CASD1: variants seen among roughly 807,000 people sequenced by gnomAD.
CASD1 encodes CAS1 domain sialic acid O acetyltransferase 1.
In CASD1, 41 loss-of-function variants were observed where a neutral mutation model predicts 100.0. That is an observed-to-expected ratio of 0.41 (90% CI 0.32 to 0.53). CASD1 has a LOEUF of 0.53. CASD1 is among the 20% of genes least tolerant of loss of function. The pLI, the probability that CASD1 is intolerant of heterozygous loss-of-function variation, is 0.25. For synonymous variants in CASD1, 321 were observed against 315.6 expected (o/e 1.02, Z -0.18); for missense variants, 774 against 948.7 (o/e 0.82, Z 2.42).
the CASD1 span, among the ~76,000 whole-genome samples, chr7:94,568,454 A>C: frequency 3.3e-5 from 5 of 152,352 alleles, no homozygotes; most frequent in South Asian, 1.0e-3. Context: ...TCCAGAAGTC[A>C]TAAAAGATTG....
chr7:94,555,885 T>C lies in CASD1; in HGVS notation c.*127T>C. ...AACGTTTGTGGCAAGAGGACAGTTC[T>C]GTGACATCTGTTGAACATATGTGGT... On this transcript the variant is annotated 3_prime_UTR_variant, in exon 18 of 18. Coordinates refer to ENST00000297273, the MANE Select transcript of CASD1 (RefSeq NM_022900.5). The C allele has an allele frequency of 2.2e-6, 2 of 890,684 alleles. No homozygotes were observed. The highest frequency in any genetic ancestry group is 2.5e-5 in the East Asian group (1 of 39,700). The allele number at this position is 890,684 out of a possible 1,614,324, so 55.2% of individuals were successfully genotyped here.
chr7:94,558,468 A>T (rs145353757), downstream of CASD1, among the ~76,000 whole-genome samples: 16 of 152,318 alleles, frequency 1.1e-4, no homozygotes, highest in East Asian at 2.9e-3. Context: ...ACATCATTCA[A>T]GAGAAAAATT....
chr7:94,562,056 C>A, the CASD1 span, among the ~76,000 whole-genome samples: 1 of 152,154 alleles, frequency 6.6e-6, no homozygotes, highest in Non-Finnish European at 1.5e-5. Context: ...TTACATCACA[C>A]AATGGGCTCT....
the CASD1 span, chr7:94,617,243 G>C: frequency 6.6e-6 from 1 of 152,160 alleles, no homozygotes; most frequent in Admixed American, 6.5e-5. Flanking sequence ...CAGTGCTTTA[G>C]GTCACAGTTT....
chr7:94,590,731 A>C, the CASD1 span: 1 of 152,170 alleles, frequency 6.6e-6, no homozygotes, highest in Non-Finnish European at 1.5e-5. Flanking sequence ...GAAACAAGGG[A>C]GTTAGGAATC....
the CASD1 span, among the ~76,000 whole-genome samples, chr7:94,615,624 A>G: frequency 6.6e-6 from 1 of 152,190 alleles, no homozygotes; most frequent in African/African-American, 2.4e-5. Context: ...GAGATGGTCT[A>G]GAGAATAAAA....
chr7:94,580,358 TTCTAATGGAAC>T, the CASD1 span, among the ~76,000 whole-genome samples: 523 of 152,274 alleles, frequency 3.4e-3, no homozygotes, highest in Middle Eastern at 0.01. Context: ...ACACTGGACT[TTCTAATGGAAC>T]TCTAGACTCA....
the CASD1 span, among the ~76,000 whole-genome samples, chr7:94,583,434 G>A: frequency 6.6e-6 from 1 of 151,978 alleles, no homozygotes; most frequent in Non-Finnish European, 1.5e-5. Flanking sequence ...CCTTACTAAG[G>A]TCAATGTTTA....
chr7:94,551,242 A>G (rs1795931088), intron 14 of CASD1, 96 bp from the exon 15 acceptor site: 1 of 928,222 alleles, frequency 1.1e-6, no homozygotes, highest in Non-Finnish European at 1.6e-6. Context: ...CTTTTAACCT[A>G]CCTACTTTTA....
chr7:94,541,553 T>G (rs1188225626), intron 10 of CASD1, among the ~76,000 whole-genome samples: 3 of 140,254 alleles, frequency 2.1e-5, no homozygotes, highest in Admixed American at 7.3e-5. Flanking sequence ...TTTTTTTTTT[T>G]TTTTTTTTTT....
intron 12 of CASD1, among the ~76,000 whole-genome samples, chr7:94,546,126 A>C (rs1265455693): frequency 6.6e-6 from 1 of 151,948 alleles, no homozygotes; most frequent in Non-Finnish European, 1.5e-5. Context: ...TGAGATTTTG[A>C]GTAAATATTT....
At chr7:94,562,415 T>C in the CASD1 span, among the ~76,000 whole-genome samples, 1 of 152,172 alleles carries the variant, frequency 6.6e-6, no homozygotes, top group African/African-American at 2.4e-5. Context: ...TCATAGTATA[T>C]ACAAATGGTA....
the CASD1 span, chr7:94,588,578 G>A: frequency 1.2e-5 from 19 of 1,544,510 alleles, no homozygotes; most frequent in African/African-American, 2.6e-4. Context: ...TGACACAAGT[G>A]TTTTGCCTTA....
intron 12 of CASD1, 140 bp downstream of exon 12, chr7:94,545,841 T>C: frequency 1.1e-5 from 6 of 530,430 alleles, no homozygotes; most frequent in Non-Finnish European, 1.9e-5. Flanking sequence ...TTTGAAATTC[T>C]GTTCTTAAAC....
chr7:94,560,792 A>G (rs1392038324), downstream of CASD1, among the ~76,000 whole-genome samples: 1 of 152,104 alleles, frequency 6.6e-6, no homozygotes, highest in Non-Finnish European at 1.5e-5. Flanking sequence ...TCCCATTCTT[A>G]CTCTGTATAC....
the CASD1 span, among the ~76,000 whole-genome samples, chr7:94,586,276 G>A: frequency 2.6e-5 from 4 of 152,078 alleles, no homozygotes; most frequent in Non-Finnish European, 1.5e-5. Flanking sequence ...CATAAATGTA[G>A]CTGCCTCTAT....
the CASD1 span, among the ~76,000 whole-genome samples, chr7:94,613,423 A>G: frequency 6.6e-6 from 1 of 152,192 alleles, no homozygotes; most frequent in South Asian, 2.1e-4. Context: ...CATGTTTTCA[A>G]ATTTCAAATG....
the CASD1 span, among the ~76,000 whole-genome samples, chr7:94,631,528 A>G: frequency 5.3e-5 from 8 of 152,080 alleles, no homozygotes; most frequent in African/African-American, 1.9e-4. Flanking sequence ...GATTTATGGA[A>G]GAAGTGGAAT....
the CASD1 span, chr7:94,590,662 T>C: frequency 6.6e-6 from 1 of 152,292 alleles, no homozygotes; most frequent in African/African-American, 2.4e-5. Context: ...TTCCTCTTAA[T>C]TGAAACCCTA....
Sources: allele counts gnomAD v4.1 joint callset (sites outside exome capture counted in the v4.1 genomes callset), GRCh38; gene constraint gnomAD v4.1.1; transcripts MANE v1.5; gene names NCBI Gene and HGNC (gene_info 2026-07-23, HGNC 2026-07-21).